Variants in NRIP1 observed in about 807,000 individuals in gnomAD.
NRIP1 encodes nuclear receptor-interacting protein 1.
Under a neutral mutation model 75.0 loss-of-function variants are expected in NRIP1, and 28 were observed. The observed-to-expected ratio is 0.37, with a 90% confidence interval of 0.28 to 0.51. NRIP1 has a LOEUF of 0.51. Among genes scored for constraint, NRIP1 ranks in the 20% least tolerant of loss-of-function variants. The pLI is 0.92. For synonymous variants in NRIP1, 526 were observed against 487.6 expected (o/e 1.08, Z -1.04); for missense variants, 1,435 against 1,343.7 (o/e 1.07, Z -1.06).
Position 14,965,903 on chromosome 21 carries a change from G to T in NRIP1, c.2290C>A (p.Gln764Lys), listed in dbSNP as rs768913536. 18 of 1,613,958 alleles carry T rather than the reference G, an allele frequency of 1.1e-5. No homozygotes were observed. In the South Asian group the frequency reaches 1.3e-4, roughly 12 times the overall value. The change falls in exon 4 of 4, where the codon CAA becomes AAA. Residue 764 changes from glutamine (Q) to lysine (K), a missense_variant. Physicochemically the swap from Gln to Lys is moderately conservative, Grantham distance 53. Coordinates refer to ENST00000318948, the MANE Select transcript of NRIP1 (RefSeq NM_003489.4). ...AAGTGCACATTTGTGTTAGGAATTT[G>T]TAAGTCATCACAAGGCTCAGATTTT... ...KIKSEPCDDL[Q>K]IPNTNVHLSH... is the part of the protein sequence containing the mutation.
intron 2 of NRIP1, among the ~76,000 whole-genome samples, chr21:15,018,795 C>T (rs2088297971): frequency 6.6e-6 from 1 of 152,186 alleles, no homozygotes; most frequent in Non-Finnish European, 1.5e-5. Flanking sequence ...AATATTTCCA[C>T]ATGCTCCAAA....
At chr21:14,969,237 C>A (rs1298317305) in intron 3 of NRIP1, among the ~76,000 whole-genome samples, 6 of 152,118 alleles carry the variant, frequency 3.9e-5, no homozygotes, top group Non-Finnish European at 8.8e-5. Context: ...AGGAGTGATT[C>A]TTTAGATGCT....
At chr21:15,022,663 C>T (rs1271979077) in intron 2 of NRIP1, among the ~76,000 whole-genome samples, 2 of 152,160 alleles carry the variant, frequency 1.3e-5, no homozygotes, top group Admixed American at 6.5e-5. Flanking sequence ...TTGGAGAATG[C>T]AAAAGTAGAA....
chr21:14,998,243 G>T (rs750954117), intron 3 of NRIP1, among the ~76,000 whole-genome samples: 20 of 152,276 alleles, frequency 1.3e-4, no homozygotes, highest in Non-Finnish European at 2.4e-4. Flanking sequence ...ATTTTGGATG[G>T]ACCTTCTCAG....
intron 3 of NRIP1, among the ~76,000 whole-genome samples, chr21:15,000,695 G>A (rs1422316051): frequency 2.6e-5 from 4 of 152,024 alleles, no homozygotes; most frequent in East Asian, 1.9e-4. Flanking sequence ...AAAATATTCT[G>A]ATTTTTAGTT....
intron 1 of NRIP1, chr21:15,050,922 C>T: frequency 2.2e-6 from 1 of 455,944 alleles, no homozygotes; most frequent in South Asian, 1.5e-5. Context: ...CAGTTTAGAG[C>T]CTGTATACCT....
intron 3 of NRIP1, among the ~76,000 whole-genome samples, chr21:15,005,576 C>T (rs572856851): frequency 7.9e-5 from 12 of 152,268 alleles, no homozygotes; most frequent in Admixed American, 7.8e-4. Context: ...ATTTGCAAGA[C>T]AAAAACCTTC....
intron 2 of NRIP1, among the ~76,000 whole-genome samples, chr21:15,033,712 A>C (rs1385153854): frequency 6.6e-6 from 1 of 152,268 alleles, no homozygotes; most frequent in Non-Finnish European, 1.5e-5. Flanking sequence ...TTAATCATTA[A>C]TTGTAAAATA....
At chr21:15,021,084 T>G (rs2088361414) in intron 2 of NRIP1, among the ~76,000 whole-genome samples, 1 of 151,996 alleles carries the variant, frequency 6.6e-6, no homozygotes. Context: ...AAATGAAAAA[T>G]ATATGTCCAC....
chr21:15,016,477 A>C (rs1287387103), intron 2 of NRIP1, among the ~76,000 whole-genome samples: 1 of 152,084 alleles, frequency 6.6e-6, no homozygotes, highest in African/African-American at 2.4e-5. Context: ...CTACCAACTC[A>C]CTGAAATTCC....
intron 3 of NRIP1, chr21:14,988,329 T>A (rs1004637428): frequency 6.6e-6 from 1 of 152,124 alleles, no homozygotes; most frequent in African/African-American, 2.4e-5. Flanking sequence ...CAGACAAAGC[T>A]TCAGCCCAGA....
In NRIP1 at chr21:14,967,483, G is replaced by A. The variant is rs1294045449; in HGVS notation, c.710C>T (p.Ala237Val). Residue 237 changes from alanine (A) to valine (V), a missense_variant, in exon 4 of 4, where the codon GCT becomes GTT. Transcript: ENST00000318948. Reference protein sequence around the residue: ...TKVMSEPLSCAARLQAVASMV... With the variant: ...TKVMSEPLSCVARLQAVASMV... ...GCTTGCAACAGCCTGTAATCTTGCA[G>A]CACATGACAACGGTTCACTCATGAC... The A allele has an allele frequency of 3.1e-6, 5 of 1,613,986 alleles. No individual in the cohort carries two copies. In the African/African-American group the frequency reaches 6.7e-5, roughly 22 times the overall value.
At position 14,989,760 on chromosome 21, in the gene NRIP1, T is replaced by C. The variant is rs188193676; in HGVS notation, c.-334-21234A>G. On this transcript the variant is annotated intron_variant, in intron 3 of 3. Transcript: ENST00000318948. Reference sequence around the variant, plus strand: ...TTTCCCTGACTCCAAAGTCATGGAATATACATGAACATATATAGTCTATGT... The same window carrying C: ...TTTCCCTGACTCCAAAGTCATGGAACATACATGAACATATATAGTCTATGT... Among the ~76,000 whole-genome samples, 54 of 152,144 alleles carry C rather than the reference T, an allele frequency of 3.5e-4. No homozygotes were observed. The East Asian group carries it at 0.01, about 29-fold the overall frequency.
intron 3 of NRIP1, chr21:14,991,281 G>T (rs1460323764): frequency 1.3e-5 from 2 of 149,360 alleles, no homozygotes; most frequent in Non-Finnish European, 3.0e-5. Flanking sequence ...ATCTGTCCAT[G>T]CAAACCAACT....
intron 1 of NRIP1, among the ~76,000 whole-genome samples, chr21:15,058,279 G>C (rs972038426): frequency 4.6e-5 from 7 of 152,096 alleles, no homozygotes; most frequent in Admixed American, 6.5e-5. Context: ...AACCCATTGT[G>C]CAAACAGTCC....
intron 1 of NRIP1, among the ~76,000 whole-genome samples, chr21:15,046,396 C>CT (rs1258955687): frequency 6.6e-6 from 1 of 152,072 alleles, no homozygotes; most frequent in African/African-American, 2.4e-5. Flanking sequence ...CGATAGGAAT[C>CT]TTTTTTTTCT....
intron 3 of NRIP1, among the ~76,000 whole-genome samples, chr21:14,999,027 C>T (rs752183179): frequency 1.3e-5 from 2 of 152,244 alleles, no homozygotes; most frequent in Admixed American, 6.5e-5. Context: ...GAGAGAGAGG[C>T]AGGCTCGTGC....
chr21:14,982,573 G>A (rs927824359), intron 3 of NRIP1, among the ~76,000 whole-genome samples: 3 of 151,862 alleles, frequency 2.0e-5, no homozygotes, highest in Non-Finnish European at 4.4e-5. Context: ...TAGCCTGAGG[G>A]TAGTTGTTCC....
intron 2 of NRIP1, among the ~76,000 whole-genome samples, chr21:15,036,817 T>G (rs1163136631): frequency 6.6e-6 from 1 of 152,142 alleles, no homozygotes; most frequent in African/African-American, 2.4e-5. Context: ...TTTAGGGAAA[T>G]CTGTGAAATG....
Sources: gnomAD v4.1 joint callset for allele counts (sites outside exome capture counted in the v4.1 genomes callset) on GRCh38, gnomAD v4.1.1 for gene constraint, MANE v1.5 for transcripts, NCBI Gene and HGNC (gene_info 2026-07-23, HGNC 2026-07-21) for gene names.